ATP8A2: variants seen among roughly 807,000 people sequenced by gnomAD.
ATP8A2 encodes the protein phospholipid-transporting ATPase IB.
In ATP8A2, 100 loss-of-function variants were observed where a neutral mutation model predicts 165.6. The ratio of observed to expected loss-of-function variants is 0.60; its 90% CI spans 0.51 to 0.71. The LOEUF is 0.71. Among genes scored for constraint, ATP8A2 ranks in the 30% least tolerant of loss-of-function variants. The probability of loss-of-function intolerance (pLI) is 0.00; values close to 1 mark genes in which losing one functional copy is unlikely to be tolerated. For synonymous variants in ATP8A2, 543 were observed against 548.8 expected (o/e 0.99, Z 0.15); for missense variants, 1,227 against 1,479.5 (o/e 0.83, Z 2.80).
Position 25,969,602 on chromosome 13 carries a change from T to C in ATP8A2, c.3377+923T>C, listed in dbSNP as rs184001729. 7.9e-5 allele frequency among the ~76,000 whole-genome samples: 12 copies of C among 152,366 alleles called. No homozygotes were observed. The South Asian group carries it at 1.7e-3, about 21-fold the overall frequency. ...TAAAGCAATGAAGACAAAATAATTT[T>C]TTTGTTAAAGAAAGAGAATGCAAAC... On this transcript the variant is annotated intron_variant, in intron 35 of 36. Transcript: ENST00000381655.
In ATP8A2 at chr13:25,594,833, G is replaced by A. The variant is rs546174489; in HGVS notation, c.2211+5134G>A. On this transcript the variant is annotated intron_variant, in intron 24 of 36. Transcript: ENST00000381655. ...TTTGATCCAGGAATCCCAGTACTGG[G>A]TATCTACCCAGAGGAAAAGAAGTCA... Among the ~76,000 whole-genome samples, 5 of 152,168 alleles carry A rather than the reference G, an allele frequency of 3.3e-5. No homozygotes were observed. The South Asian group carries it at 1.0e-3, about 32-fold the overall frequency.
intron 33 of ATP8A2, among the ~76,000 whole-genome samples, chr13:25,889,932 G>A (rs984959729): frequency 3.3e-5 from 5 of 152,104 alleles, no homozygotes; most frequent in Non-Finnish European, 5.9e-5. Context: ...GAAGGCCAAC[G>A]CAGGCAGATC....
At chr13:25,948,824 C>A (rs1053739214) in intron 33 of ATP8A2, among the ~76,000 whole-genome samples, 1 of 152,170 alleles carries the variant, frequency 6.6e-6, no homozygotes, top group Non-Finnish European at 1.5e-5. Flanking sequence ...AGACTTCCAA[C>A]CTCCAGGACT....
intron 1 of ATP8A2, among the ~76,000 whole-genome samples, chr13:25,424,902 G>A (rs1468006546): frequency 6.6e-6 from 1 of 152,152 alleles, no homozygotes; most frequent in Non-Finnish European, 1.5e-5. Context: ...AGGTTGTAGT[G>A]AGCCAAGATT....
At chr13:25,491,526 C>T (rs1173034825) in intron 2 of ATP8A2, among the ~76,000 whole-genome samples, 5 of 152,134 alleles carry the variant, frequency 3.3e-5, no homozygotes, top group Non-Finnish European at 7.3e-5. Context: ...CCATGCCCGA[C>T]GCCTGAGTTT....
intron 35 of ATP8A2, among the ~76,000 whole-genome samples, chr13:26,011,894 C>G (rs934624444): frequency 6.6e-6 from 1 of 152,086 alleles, no homozygotes; most frequent in African/African-American, 2.4e-5. Flanking sequence ...ATGATTGTGC[C>G]ACTGCACTCC....
chr13:25,888,286 A>G (rs576262217), intron 33 of ATP8A2, among the ~76,000 whole-genome samples: 15 of 152,356 alleles, frequency 9.8e-5, no homozygotes, highest in Admixed American at 2.0e-4. Context: ...GTTAGGACCC[A>G]AACAATAACC....
At chr13:25,863,821 G>T (rs1381309830) in intron 33 of ATP8A2, among the ~76,000 whole-genome samples, 2 of 152,212 alleles carry the variant, frequency 1.3e-5, no homozygotes, top group African/African-American at 4.8e-5. Context: ...GGGCTTGCAT[G>T]TCCTCTAGTG....
intron 24 of ATP8A2, among the ~76,000 whole-genome samples, chr13:25,636,686 C>G (rs1412290689): frequency 2.0e-5 from 3 of 152,168 alleles, no homozygotes; most frequent in Non-Finnish European, 4.4e-5. Context: ...CTCGCCTTCA[C>G]TCCTGTTCTG....
chr13:25,962,858 G>T (rs1955688544), intron 34 of ATP8A2, among the ~76,000 whole-genome samples: 1 of 152,088 alleles, frequency 6.6e-6, no homozygotes, highest in South Asian at 2.1e-4. Context: ...GATACCTCAT[G>T]CAAATCTAGA....
chr13:25,887,646 A>G (rs1953201060), intron 33 of ATP8A2, among the ~76,000 whole-genome samples: 1 of 152,208 alleles, frequency 6.6e-6, no homozygotes, highest in African/African-American at 2.4e-5. Context: ...CCTCAGTCCA[A>G]CTTTTATTAT....
At chr13:25,747,528 C>T (rs944866981) in intron 25 of ATP8A2, among the ~76,000 whole-genome samples, 1 of 152,078 alleles carries the variant, frequency 6.6e-6, no homozygotes, top group African/African-American at 2.4e-5. Context: ...CAGAACAGTA[C>T]GTGCTGGAGT....
intron 23 of ATP8A2, 76 bp downstream of exon 23, chr13:25,582,033 A>G: frequency 7.4e-7 from 1 of 1,357,312 alleles, no homozygotes; most frequent in Non-Finnish European, 1.0e-6. Context: ...ATGTGTCTAA[A>G]TGTTTCTCAA....
At chr13:25,669,348 A>C (rs2042218289) in intron 24 of ATP8A2, among the ~76,000 whole-genome samples, 1 of 152,228 alleles carries the variant, frequency 6.6e-6, no homozygotes, top group South Asian at 2.1e-4. Flanking sequence ...GTTATGTGAC[A>C]GAGGATTTCC....
chr13:25,984,402 G>A (rs769836582), intron 35 of ATP8A2, among the ~76,000 whole-genome samples: 2 of 151,562 alleles, frequency 1.3e-5, no homozygotes, highest in African/African-American at 4.9e-5. Context: ...TCAGGAGTTC[G>A]AGACCAGCCT....
At chr13:25,759,410 A>G (rs1427492887) in intron 25 of ATP8A2, among the ~76,000 whole-genome samples, 2 of 152,202 alleles carry the variant, frequency 1.3e-5, no homozygotes, top group Non-Finnish European at 2.9e-5. Flanking sequence ...GTCAAAACTC[A>G]AACACTTCTC....
intron 16 of ATP8A2, among the ~76,000 whole-genome samples, chr13:25,569,644 G>A (rs567381909): frequency 6.6e-6 from 1 of 152,280 alleles, no homozygotes; most frequent in Non-Finnish European, 1.5e-5. Context: ...ATATTGGGAG[G>A]AAAAGGGAAA....
intron 23 of ATP8A2, 117 bp downstream of exon 23, chr13:25,582,074 C>T (rs1332037348): frequency 2.8e-6 from 3 of 1,055,262 alleles, no homozygotes; most frequent in Non-Finnish European, 4.0e-6. Flanking sequence ...TTATAGGAAT[C>T]TTCATTCACA....
intron 1 of ATP8A2, among the ~76,000 whole-genome samples, chr13:25,418,635 T>C (rs578232598): frequency 3.0e-4 from 46 of 152,258 alleles, no homozygotes; most frequent in African/African-American, 1.1e-3. Flanking sequence ...AATGGCATCT[T>C]CCACAGTATG....
Sources: gnomAD v4.1 joint callset for allele counts (sites outside exome capture counted in the v4.1 genomes callset) on GRCh38, gnomAD v4.1.1 for gene constraint, MANE v1.5 for transcripts, NCBI Gene and HGNC (gene_info 2026-07-23, HGNC 2026-07-21) for gene names.